USP24: variants seen among roughly 807,000 people sequenced by gnomAD.
The protein encoded by USP24 is ubiquitin specific peptidase 24, also known as ubiquitin carboxyl-terminal hydrolase 24.
In USP24, 97 loss-of-function variants were observed where a neutral mutation model predicts 361.6. The observed-to-expected ratio is 0.27, with a 90% CI of 0.23 to 0.32. The LOEUF (loss-of-function observed/expected upper bound fraction) is 0.32, where lower values mean the gene tolerates loss of function less well. USP24 is among the 10% of genes least tolerant of loss of function. The pLI, the probability that USP24 is intolerant of heterozygous loss-of-function variation, is 1.00. For missense variants in USP24, 2,353 were observed against 3,165.6 expected, an observed-to-expected ratio of 0.74 and a Z score of 6.16; for synonymous variants, 1,098 against 1,124.6, an observed-to-expected ratio of 0.98 and a Z score of 0.47.
intron 38 of USP24, among the ~76,000 whole-genome samples, chr1:55,112,882 T>TTA (rs1256457837): frequency 6.6e-6 from 1 of 152,156 alleles, no homozygotes; most frequent in Admixed American, 6.5e-5. Flanking sequence ...TCTCCCACTA[T>TTA]TATTGTGTGG....
intron 1 of USP24, among the ~76,000 whole-genome samples, chr1:55,184,480 G>A (rs1341815747): frequency 1.3e-5 from 2 of 152,172 alleles, no homozygotes; most frequent in Non-Finnish European, 1.5e-5. Context: ...GAATTAAAGA[G>A]AGAAATACAC....
At chr1:55,147,833 A>G (rs1647072446) in intron 17 of USP24, 35 bp from the exon 18 acceptor site, 2 of 1,602,922 alleles carry the variant, frequency 1.2e-6, no homozygotes, top group Non-Finnish European at 1.7e-6. Flanking sequence ...AGTGGTAATG[A>G]GAATTTGCAG....
At chr1:55,091,899 T>C (rs1443255822) in intron 54 of USP24, 124 bp downstream of exon 54, 3 of 681,486 alleles carry the variant, frequency 4.4e-6, no homozygotes, top group East Asian at 5.7e-5. Flanking sequence ...CTAGAGACCA[T>C]GTCTTAGTCC....
In USP24 at chr1:55,153,881, C is replaced by T; in HGVS notation, c.1849G>A (p.Asp617Asn). ...CTGCAAATTCTTACCTTGAATCCAT[C>T]CTTCTTGTTTTTTTCCAAACCTGAC... The part of the protein sequence containing the change: ...EWSGLEKNKK[D>N]GFKSSQLNNP... Residue 617 changes from aspartate (D) to asparagine (N), a missense_variant, in exon 16 of 68, where the codon GAT becomes AAT. This residue lies in a region of USP24 where 386 missense variants were observed against 560.5 expected (regional missense o/e 0.69). Coordinates refer to ENST00000294383, the MANE Select transcript of USP24 (RefSeq NM_015306.3). The T allele has an allele frequency of 6.4e-7, 1 of 1,551,046 alleles. No individual in the cohort carries two copies. Among genetic ancestry groups the T allele is most frequent in the Non-Finnish European group, 8.7e-7 (1 of 1,146,658 alleles).
At chr1:55,156,596 A>T (rs979094034) in intron 12 of USP24, among the ~76,000 whole-genome samples, 7 of 152,278 alleles carry the variant, frequency 4.6e-5, no homozygotes, top group Admixed American at 1.3e-4. Context: ...ATAGGGACTA[A>T]ATGGGAAAAA....
At chr1:55,156,396 A>G (rs1263946475) in intron 12 of USP24, among the ~76,000 whole-genome samples, 1 of 152,162 alleles carries the variant, frequency 6.6e-6, no homozygotes, top group Admixed American at 6.5e-5. Context: ...AAAACAAATA[A>G]AGTCAAAGTA....
At chr1:55,078,010 G>A (rs997221659) in intron 61 of USP24, among the ~76,000 whole-genome samples, 1 of 152,114 alleles carries the variant, frequency 6.6e-6, no homozygotes, top group Non-Finnish European at 1.5e-5. Context: ...AAAGGCTGAG[G>A]GCAAAACATA....
At chr1:55,075,150 C>G (rs1293919810) in intron 63 of USP24, among the ~76,000 whole-genome samples, 2 of 152,066 alleles carry the variant, frequency 1.3e-5, no homozygotes, top group Non-Finnish European at 2.9e-5. Context: ...TGAAAAATTT[C>G]TTGCATCAGG....
chr1:55,105,571 A>G (rs1645748599), intron 41 of USP24, among the ~76,000 whole-genome samples: 1 of 152,212 alleles, frequency 6.6e-6, no homozygotes, highest in African/African-American at 2.4e-5. Flanking sequence ...GAGCAAATGA[A>G]ATAGCAGCTT....
intron 1 of USP24, among the ~76,000 whole-genome samples, chr1:55,201,691 G>C (rs943977867): frequency 6.7e-6 from 1 of 148,846 alleles, no homozygotes; most frequent in Non-Finnish European, 1.5e-5. Flanking sequence ...TGCTATGACA[G>C]AGGTACAAAA....
intron 24 of USP24, among the ~76,000 whole-genome samples, chr1:55,140,584 G>A (rs1290013801): frequency 6.6e-6 from 1 of 152,104 alleles, no homozygotes; most frequent in African/African-American, 2.4e-5. Context: ...TTTTAAAAAA[G>A]AAGAATGGAA....
chr1:55,192,567 T>C (rs961612058), intron 1 of USP24, among the ~76,000 whole-genome samples: 2 of 152,204 alleles, frequency 1.3e-5, no homozygotes, highest in Non-Finnish European at 2.9e-5. Flanking sequence ...GAAACATATA[T>C]GTGAAGAGCT....
Position 55,199,843 on chromosome 1 carries a change from T to G in USP24, c.324+14947A>C, listed in dbSNP as rs185238218. ...AGAGACATACCCGAGACTGGACAAT[T>G]TGCAAAAGAAGGAGGTTTAATTGGA... On this transcript the variant is annotated intron_variant, in intron 1 of 67. Transcript: ENST00000294383. 3.5e-3 allele frequency among the ~76,000 whole-genome samples: 535 copies of G among 152,222 alleles called. 2 individuals are homozygous for G. Among genetic ancestry groups the G allele is most frequent in the Middle Eastern group, 0.017 (5 of 294 alleles).
chr1:55,182,349 G>A (rs919442465), intron 1 of USP24, among the ~76,000 whole-genome samples: 6 of 152,092 alleles, frequency 3.9e-5, no homozygotes, highest in Non-Finnish European at 5.9e-5. Context: ...CATTGCGCCC[G>A]GCCTCTAATG....
intron 24 of USP24, among the ~76,000 whole-genome samples, chr1:55,140,285 A>AT (rs1199359635): frequency 1.3e-5 from 2 of 152,142 alleles, no homozygotes; most frequent in Non-Finnish European, 2.9e-5. Context: ...CCAATAGCAC[A>AT]TAAATATACT....
chr1:55,094,364 A>G (rs964180004), intron 51 of USP24, among the ~76,000 whole-genome samples: 2 of 152,220 alleles, frequency 1.3e-5, no homozygotes, highest in Admixed American at 1.3e-4. Context: ...CTTAAGTGGC[A>G]TATGAGATTT....
At position 55,154,882 on chromosome 1, in the gene USP24, C is replaced by T; in HGVS notation, c.1447-104G>A. On this transcript the variant is annotated intron_variant, in intron 12 of 67. Transcript: ENST00000294383. ...AGCACAAGCAAAAATATAACAAAGA[C>T]AAATTGACTCTAGTGTAATCAGCAT... The T allele has an allele frequency of 9.2e-6, 7 of 756,832 alleles. No homozygotes were observed. The South Asian group carries it at 1.3e-4, about 14-fold the overall frequency. 46.9% of individuals were successfully genotyped at this position (756,832 alleles called of 1,614,324 possible). A position where few individuals can be genotyped will look rare whatever the true frequency, so the allele number is the denominator to read the frequency against.
intron 1 of USP24, among the ~76,000 whole-genome samples, chr1:55,192,879 T>C (rs1644325998): frequency 6.6e-6 from 1 of 152,226 alleles, no homozygotes; most frequent in African/African-American, 2.4e-5. Context: ...TTATGAGTAG[T>C]AAATAACTTC....
At chr1:55,145,833 G>A (rs946320077) in intron 20 of USP24, among the ~76,000 whole-genome samples, 165 bp downstream of exon 20, 1 of 152,150 alleles carries the variant, frequency 6.6e-6, no homozygotes, top group South Asian at 2.1e-4. Context: ...CATTCATGTA[G>A]AAAGGAATTT....
Sources: allele counts gnomAD v4.1 joint callset (sites outside exome capture counted in the v4.1 genomes callset), GRCh38; gene constraint gnomAD v4.1.1; regional missense constraint gnomAD v4.1.1; transcripts MANE v1.5; gene names NCBI Gene and HGNC (gene_info 2026-07-23, HGNC 2026-07-21).